AEBP2: variants seen among roughly 807,000 people sequenced by gnomAD.
AEBP2 encodes zinc finger protein AEBP2.
A neutral mutation model predicts 50.8 loss-of-function variants in AEBP2; 10 were observed. The ratio of observed to expected loss-of-function variants is 0.20; its 90% CI spans 0.12 to 0.33. AEBP2 has a LOEUF of 0.33. Among genes scored for constraint, AEBP2 ranks in the 10% least tolerant of loss-of-function variants. AEBP2 has a pLI of 1.00. For missense variants in AEBP2, 570 were observed against 688.0 expected (o/e 0.83, Z 1.92); for synonymous variants, 296 against 261.3 (o/e 1.13, Z -1.28).
chr12:19,435,032 C>G (rs1257302366), upstream of AEBP2, among the ~76,000 whole-genome samples: 1 of 151,966 alleles, frequency 6.6e-6, no homozygotes, highest in African/African-American at 2.4e-5. Flanking sequence ...ACTTTTCACA[C>G]TTTTCATCCT....
chr12:19,410,339 G>A (rs1208035913), intron 1 of AEBP2, among the ~76,000 whole-genome samples: 1 of 152,108 alleles, frequency 6.6e-6, no homozygotes, highest in Non-Finnish European at 1.5e-5. Context: ...TCCCTTCAAG[G>A]GAAGCTGGAG....
intron 1 of AEBP2, among the ~76,000 whole-genome samples, chr12:19,429,339 G>A (rs1251871859): frequency 3.9e-5 from 6 of 152,098 alleles, no homozygotes; most frequent in Non-Finnish European, 7.3e-5. Flanking sequence ...AGTATTCCTT[G>A]GTGTATATGT....
chr12:19,424,458 G>T (rs1204062627), intron 1 of AEBP2, among the ~76,000 whole-genome samples: 3 of 151,734 alleles, frequency 2.0e-5, no homozygotes, highest in African/African-American at 7.3e-5. Flanking sequence ...GTGCAGTGGC[G>T]CGATCTCGGC....
At chr12:19,497,658 A>G (rs1397400218) in intron 4 of AEBP2, among the ~76,000 whole-genome samples, 1 of 152,008 alleles carries the variant, frequency 6.6e-6, no homozygotes, top group African/African-American at 2.4e-5. Context: ...TTTTTAGTAG[A>G]GATGGGGTTT....
chr12:19,475,437 T>C (rs1948633702), intron 3 of AEBP2, among the ~76,000 whole-genome samples: 1 of 151,918 alleles, frequency 6.6e-6, no homozygotes, highest in Admixed American at 6.6e-5. Flanking sequence ...TTCCATGGTA[T>C]GTATGTATGT....
chr12:19,510,585 G>C (rs1299239152), intron 5 of AEBP2, among the ~76,000 whole-genome samples: 2 of 152,122 alleles, frequency 1.3e-5, no homozygotes, highest in African/African-American at 4.8e-5. Context: ...AAACATTTTT[G>C]CTGAATATGT....
chr12:19,419,554 A>G (rs1300803047), intron 1 of AEBP2, among the ~76,000 whole-genome samples: 15 of 145,226 alleles, frequency 1.0e-4, no homozygotes, highest in Middle Eastern at 4.3e-3. Flanking sequence ...GCGCCACTGC[A>G]CTCCAGCCTG....
At chr12:19,415,126 G>A (rs981907865) in intron 1 of AEBP2, among the ~76,000 whole-genome samples, 3 of 149,472 alleles carry the variant, frequency 2.0e-5, no homozygotes, top group Admixed American at 6.7e-5. Context: ...CCTGGACAAC[G>A]TGGCGAAACC....
At chr12:19,476,450 T>C (rs1365401482) in intron 3 of AEBP2, among the ~76,000 whole-genome samples, 1 of 152,122 alleles carries the variant, frequency 6.6e-6, no homozygotes, top group Admixed American at 6.5e-5. Context: ...CAAGCAATTC[T>C]CCCGCCTCAG....
At chr12:19,478,909 T>C (rs1948688441) in intron 3 of AEBP2, among the ~76,000 whole-genome samples, 2 of 152,158 alleles carry the variant, frequency 1.3e-5, no homozygotes, top group Admixed American at 1.3e-4. Flanking sequence ...TCTTGGTCTA[T>C]CCATGTCCTG....
Position 19,519,189 on chromosome 12 carries a change from A to G in AEBP2, c.*1072A>G, listed in dbSNP as rs1289143430. 6.6e-6 allele frequency: 1 copy of G among 152,584 alleles called. No individual in the cohort carries two copies. The highest frequency in any genetic ancestry group is 2.4e-5 in the African/African-American group (1 of 41,440). The allele number at this position is 152,584 out of a possible 1,614,324, so 9.5% of individuals were successfully genotyped here. A position where few individuals can be genotyped will look rare whatever the true frequency, so the allele number is the denominator to read the frequency against. On this transcript the variant is annotated 3_prime_UTR_variant, in exon 8 of 8. Transcript: ENST00000266508. Reference sequence around the variant, plus strand: ...ATTAAACAAATGTTGCATAGAGATAATAGAACATTGCTTGTAAATAATTCA... The same window carrying G: ...ATTAAACAAATGTTGCATAGAGATAGTAGAACATTGCTTGTAAATAATTCA...
intron 1 of AEBP2, among the ~76,000 whole-genome samples, chr12:19,442,798 G>A (rs1389950346): frequency 6.6e-6 from 1 of 152,102 alleles, no homozygotes; most frequent in East Asian, 1.9e-4. Context: ...TCTTCTTGTT[G>A]CCTTTGAGAT....
At chr12:19,501,776 G>T (rs116418222) in intron 5 of AEBP2, among the ~76,000 whole-genome samples, 1 of 135,976 alleles carries the variant, frequency 7.4e-6, no homozygotes, top group African/African-American at 2.7e-5. Context: ...TATTTCCGTC[G>T]TCTCCTATAA....
intron 3 of AEBP2, among the ~76,000 whole-genome samples, chr12:19,488,088 C>T: frequency 6.6e-6 from 1 of 151,150 alleles, no homozygotes; most frequent in South Asian, 2.1e-4. Context: ...TTGTTGCCCT[C>T]ATTTTTTACA....
intron 2 of AEBP2, among the ~76,000 whole-genome samples, chr12:19,470,050 A>G (rs1375526561): frequency 6.6e-6 from 1 of 152,218 alleles, no homozygotes; most frequent in Non-Finnish European, 1.5e-5. Context: ...GATTTGAAGA[A>G]GACCCTTTTG....
rs1474966366 is a variant in AEBP2, at chr12:19,439,520, C to T, written c.-180C>T. ...CTCCGTGTGAGTGCGCGTAGTCGCGCGCCTGTCCCCGCGCGGGCTCCGTAG... is the reference window on the plus strand; with the variant it reads ...CTCCGTGTGAGTGCGCGTAGTCGCGTGCCTGTCCCCGCGCGGGCTCCGTAG... On this transcript the variant is annotated 5_prime_UTR_variant, in exon 1 of 8. Transcript: ENST00000266508. Among the ~76,000 whole-genome samples, 1 of 152,070 alleles carries T rather than the reference C, an allele frequency of 6.6e-6. No individual in the cohort carries two copies. Among genetic ancestry groups the T allele is most frequent in the Non-Finnish European group, 1.5e-5 (1 of 67,976 alleles).
intron 1 of AEBP2, among the ~76,000 whole-genome samples, chr12:19,428,038 A>G (rs1229000983): frequency 6.6e-6 from 1 of 151,888 alleles, no homozygotes; most frequent in South Asian, 2.1e-4. Flanking sequence ...GGAGTTCGAG[A>G]CCAGCCTGGG....
At chr12:19,464,954 T>C (rs918493311) in intron 2 of AEBP2, among the ~76,000 whole-genome samples, 6 of 152,164 alleles carry the variant, frequency 3.9e-5, no homozygotes, top group Non-Finnish European at 7.3e-5. Flanking sequence ...CTGTACCTTA[T>C]TGATATTATA....
intron 1 of AEBP2, among the ~76,000 whole-genome samples, chr12:19,415,105 T>C (rs1257457200): frequency 6.8e-6 from 1 of 146,076 alleles, no homozygotes; most frequent in East Asian, 2.0e-4. Context: ...AGGCCAGGAG[T>C]TCAAGACAGT....
Sources: gnomAD v4.1 joint callset for allele counts (sites outside exome capture counted in the v4.1 genomes callset) on GRCh38, gnomAD v4.1.1 for gene constraint, MANE v1.5 for transcripts, NCBI Gene and HGNC (gene_info 2026-07-23, HGNC 2026-07-21) for gene names.